The following ARHGAP6 variants were observed in gnomAD, a reference collection of about 807,000 sequenced individuals.
ARHGAP6 encodes the protein rho GTPase-activating protein 6.
In ARHGAP6, 16 loss-of-function variants were observed where a neutral mutation model predicts 55.7. The ratio of observed to expected loss-of-function variants is 0.29; its 90% confidence interval spans 0.19 to 0.44. The LOEUF (loss-of-function observed/expected upper bound fraction) is 0.44. Among genes scored for constraint, ARHGAP6 ranks in the 20% least tolerant of loss-of-function variants. The probability of loss-of-function intolerance (pLI) is 1.00; values close to 1 mark genes in which losing one functional copy is unlikely to be tolerated. For synonymous variants in ARHGAP6, 382 were observed against 360.9 expected (o/e 1.06, Z -0.66); for missense variants, 698 against 808.9 (o/e 0.86, Z 1.66).
chrX:11,177,668 T>C (rs2046251986), intron 8 of ARHGAP6, among the ~76,000 whole-genome samples: 1 of 111,704 alleles, frequency 9.0e-6, no homozygotes, highest in Non-Finnish European at 1.9e-5. Context: ...GCTCCAGGGA[T>C]AAACTGGAAG....
chrX:11,143,716 C>T (rs1770111699), intron 11 of ARHGAP6: 1 of 1,093,851 alleles, frequency 9.1e-7, no homozygotes, highest in Admixed American at 3.4e-5. Flanking sequence ...AGGAGTGGCT[C>T]CTCTGGGCAT....
At chrX:11,646,188 G>C (rs748287224) in intron 1 of ARHGAP6, among the ~76,000 whole-genome samples, 5 of 111,483 alleles carry the variant, frequency 4.5e-5, no homozygotes, top group African/African-American at 1.6e-4. Flanking sequence ...GCTAACATGA[G>C]AACAGCATAG....
At chrX:11,230,242 G>T (rs1348623906) in intron 2 of ARHGAP6, among the ~76,000 whole-genome samples, 1 of 111,505 alleles carries the variant, frequency 9.0e-6, no homozygotes, top group Non-Finnish European at 1.9e-5. Context: ...TCTGTCACCA[G>T]GCTGGAGTGC....
intron 1 of ARHGAP6, among the ~76,000 whole-genome samples, chrX:11,386,920 G>C (rs2049335702): frequency 8.9e-6 from 1 of 111,929 alleles, no homozygotes; most frequent in African/African-American, 3.2e-5. Context: ...TTTTTAAGGT[G>C]GACTGAGGTT....
chrX:11,350,208 G>A (rs1168382618), intron 1 of ARHGAP6, among the ~76,000 whole-genome samples: 1 of 111,731 alleles, frequency 9.0e-6, no homozygotes, highest in Non-Finnish European at 1.9e-5. Context: ...AATCCTGTAT[G>A]CTCAGTTTCA....
At chrX:11,277,390 A>C (rs12393768) in intron 1 of ARHGAP6, among the ~76,000 whole-genome samples, 22,854 of 110,594 alleles carry the variant, frequency 0.21, 1,843 homozygotes, top group Middle Eastern at 0.36. Context: ...TGGGTATATA[A>C]CTAGAAGTGG....
At chrX:11,276,882 C>T (rs1431349390) in intron 1 of ARHGAP6, among the ~76,000 whole-genome samples, 1 of 111,713 alleles carries the variant, frequency 9.0e-6, no homozygotes, top group Non-Finnish European at 1.9e-5. Context: ...AGAGCTTGGA[C>T]ATAAAAATCA....
chrX:11,255,864 C>T (rs190945884), intron 1 of ARHGAP6, among the ~76,000 whole-genome samples: 5 of 111,837 alleles, frequency 4.5e-5, no homozygotes, highest in African/African-American at 1.3e-4. Flanking sequence ...AAGAAAGTGA[C>T]GTCCAAAGAA....
chrX:11,188,719 C>T lies in ARHGAP6; in HGVS notation c.1077+9G>A. The T allele has an allele frequency of 8.3e-7, 1 of 1,205,732 alleles. No homozygotes were observed. The highest frequency in any genetic ancestry group is 1.7e-5 in the African/African-American group (1 of 57,655). ...GCACTGGTGTCAGAGCAAATACTGGCCACCTCACCCTCCTCCTAGCCCGAG... is the reference window on the plus strand; with the variant it reads ...GCACTGGTGTCAGAGCAAATACTGGTCACCTCACCCTCCTCCTAGCCCGAG... On this transcript the variant is annotated intron_variant, in intron 4 of 12. Transcript: ENST00000337414.
At chrX:11,162,048 C>T (rs758300775) in intron 9 of ARHGAP6, among the ~76,000 whole-genome samples, 81 of 111,515 alleles carry the variant, frequency 7.3e-4, no homozygotes, top group Non-Finnish European at 1.2e-3. Flanking sequence ...TTACCCAGAA[C>T]TGAAACAGGC....
In ARHGAP6 at chrX:11,255,838, C is replaced by T. The variant is rs904375861; in HGVS notation, c.589-1131G>A. On this transcript the variant is annotated intron_variant, in intron 1 of 12. Transcript: ENST00000337414. ...GGCCACTGAGGGTAAATGGCTCCACCCTCAATGCAGACAGTAAGAAAGTGA... is the reference window on the plus strand; with the variant it reads ...GGCCACTGAGGGTAAATGGCTCCACTCTCAATGCAGACAGTAAGAAAGTGA... Among the ~76,000 whole-genome samples the T allele has an allele frequency of 4.5e-5, 5 of 111,815 alleles. No homozygotes were observed. The Admixed American group carries it at 4.7e-4, about 11-fold the overall frequency.
At chrX:11,214,585 AGGATGAGGAGCT>A (rs1463088273) in intron 2 of ARHGAP6, among the ~76,000 whole-genome samples, 1 of 112,959 alleles carries the variant, frequency 8.9e-6, no homozygotes, top group Non-Finnish European at 1.9e-5. Flanking sequence ...TTCCTTTGCC[AGGATGAGGAGCT>A]GGAATATCGT....
At chrX:11,205,302 T>C (rs1437692979) in intron 2 of ARHGAP6, among the ~76,000 whole-genome samples, 1 of 111,558 alleles carries the variant, frequency 9.0e-6, no homozygotes, top group Non-Finnish European at 1.9e-5. Flanking sequence ...TCCTGTACAG[T>C]GTAGGATGCT....
At chrX:11,319,182 A>G (rs1046772393) in intron 1 of ARHGAP6, among the ~76,000 whole-genome samples, 2 of 111,957 alleles carry the variant, frequency 1.8e-5, no homozygotes, top group African/African-American at 6.5e-5. Flanking sequence ...CTCTCTCTCA[A>G]AATATCTGTA....
intron 1 of ARHGAP6, among the ~76,000 whole-genome samples, chrX:11,442,983 A>G (rs1392910670): frequency 8.9e-6 from 1 of 112,065 alleles, no homozygotes; most frequent in African/African-American, 3.2e-5. Context: ...TTATTGAAAT[A>G]CAATATATAA....
chrX:11,619,960 T>A (rs1310497428), intron 1 of ARHGAP6, among the ~76,000 whole-genome samples: 2 of 112,151 alleles, frequency 1.8e-5, no homozygotes, highest in East Asian at 5.6e-4. Flanking sequence ...CCCTCTGTAT[T>A]ATAACTAACT....
chrX:11,630,722 T>C (rs1426174743), intron 1 of ARHGAP6, among the ~76,000 whole-genome samples: 1 of 111,889 alleles, frequency 8.9e-6, no homozygotes, highest in Non-Finnish European at 1.9e-5. Flanking sequence ...TAATCAATGA[T>C]TTAGGAAAAG....
intron 1 of ARHGAP6, among the ~76,000 whole-genome samples, chrX:11,514,810 T>C (rs1269123222): frequency 9.3e-6 from 1 of 107,766 alleles, no homozygotes; most frequent in Non-Finnish European, 1.9e-5. Flanking sequence ...CTCCCTAATA[T>C]TGCCCTCTTC....
intron 1 of ARHGAP6, among the ~76,000 whole-genome samples, chrX:11,398,096 C>A (rs1018291694): frequency 9.1e-6 from 1 of 110,376 alleles, no homozygotes; most frequent in African/African-American, 3.3e-5. Context: ...CATGGGCTTA[C>A]ACTACCTGGT....
Sources: allele counts gnomAD v4.1 joint callset (sites outside exome capture counted in the v4.1 genomes callset), GRCh38; gene constraint gnomAD v4.1.1; transcripts MANE v1.5; gene names NCBI Gene and HGNC (gene_info 2026-07-23, HGNC 2026-07-21).